UNC79: variants seen among roughly 807,000 people sequenced by gnomAD.
UNC79 encodes the protein unc-79 subunit of NALCN channel complex.
Under a neutral mutation model 283.1 loss-of-function variants are expected in UNC79, and 37 were observed. The observed-to-expected ratio is 0.13, with a 90% CI of 0.10 to 0.17. UNC79 has a LOEUF of 0.17. Among genes scored for constraint, UNC79 ranks in the 10% least tolerant of loss-of-function variants. UNC79 has a pLI of 1.00. For missense variants in UNC79, 2,272 were observed against 3,211.1 expected, an observed-to-expected ratio of 0.71 and a Z score of 7.07; for synonymous variants, 1,107 against 1,200.2, an observed-to-expected ratio of 0.92 and a Z score of 1.61.
chr14:93,372,318 C>A (rs1180238492), intron 1 of UNC79, among the ~76,000 whole-genome samples: 1 of 152,062 alleles, frequency 6.6e-6, no homozygotes, highest in East Asian at 1.9e-4. Context: ...AACACTAAAC[C>A]AACTCTATTA....
intron 42 of UNC79, among the ~76,000 whole-genome samples, chr14:93,683,552 C>G (rs2074009237): frequency 6.6e-6 from 1 of 152,124 alleles, no homozygotes; most frequent in Non-Finnish European, 1.5e-5. Flanking sequence ...TGCATGCTCG[C>G]TGTTTCCTTT....
intron 40 of UNC79, among the ~76,000 whole-genome samples, chr14:93,664,985 A>G (rs1368508871): frequency 1.3e-5 from 2 of 152,244 alleles, no homozygotes; most frequent in East Asian, 3.9e-4. Context: ...AAAGTCAACA[A>G]GTAGCAAGAT....
intron 26 of UNC79, among the ~76,000 whole-genome samples, chr14:93,609,231 TTGCAAG>T (rs2066116998): frequency 6.6e-6 from 1 of 152,096 alleles, no homozygotes; most frequent in Non-Finnish European, 1.5e-5. Context: ...GAGAACCACC[TTGCAAG>T]GTGAAGAGAG....
chr14:93,355,387 CG>C (rs1566888166), intron 1 of UNC79, among the ~76,000 whole-genome samples: 1 of 152,126 alleles, frequency 6.6e-6, no homozygotes, highest in Admixed American at 6.5e-5. Context: ...TTAATAGAGA[CG>C]GGGTTTCACC....
At chr14:93,489,824 G>A (rs2058636761) in intron 5 of UNC79, among the ~76,000 whole-genome samples, 1 of 152,174 alleles carries the variant, frequency 6.6e-6, no homozygotes, top group Admixed American at 6.5e-5. Context: ...CCCTGGTGGG[G>A]GCTCTCTACA....
At chr14:93,382,818 C>T (rs569917617) in intron 1 of UNC79, among the ~76,000 whole-genome samples, 7 of 152,178 alleles carry the variant, frequency 4.6e-5, no homozygotes, top group African/African-American at 4.8e-5. Context: ...TTACCACTGC[C>T]GCATCAATAT....
upstream of UNC79, among the ~76,000 whole-genome samples, chr14:93,427,668 T>TG (rs2055761760): frequency 6.6e-6 from 1 of 151,820 alleles, no homozygotes; most frequent in Non-Finnish European, 1.5e-5. Context: ...TTTTTTTTTT[T>TG]GTCTTCTCTG....
At chr14:93,439,747 C>T (rs2056225574) in intron 1 of UNC79, among the ~76,000 whole-genome samples, 1 of 152,056 alleles carries the variant, frequency 6.6e-6, no homozygotes, top group African/African-American at 2.4e-5. Flanking sequence ...TGTAGTGGAA[C>T]TCTTTAACTT....
At chr14:93,624,030 CAT>C (rs1398447894) in intron 30 of UNC79, among the ~76,000 whole-genome samples, 1 of 152,206 alleles carries the variant, frequency 6.6e-6, no homozygotes, top group Non-Finnish European at 1.5e-5. Context: ...CCTAGCCCCT[CAT>C]ATTATACAGG....
intron 3 of UNC79, among the ~76,000 whole-genome samples, chr14:93,477,052 C>G (rs2057842843): frequency 6.6e-6 from 1 of 152,208 alleles, no homozygotes; most frequent in Admixed American, 6.5e-5. Context: ...ACTCAATGCA[C>G]ATGGTCATGT....
chr14:93,593,431 C>T (rs563699125), intron 22 of UNC79, among the ~76,000 whole-genome samples: 93 of 152,278 alleles, frequency 6.1e-4, no homozygotes, highest in Non-Finnish European at 1.2e-3. Context: ...GCTGAATTTA[C>T]ATTATGCAGA....
At chr14:93,635,853 A>G (rs1475293984) in intron 31 of UNC79, among the ~76,000 whole-genome samples, 1 of 152,238 alleles carries the variant, frequency 6.6e-6, no homozygotes, top group Non-Finnish European at 1.5e-5. Context: ...CAACCTCAGG[A>G]GTTCACTGGG....
chr14:93,467,484 A>G (rs2057247619), intron 1 of UNC79, among the ~76,000 whole-genome samples, 187 bp from the exon 2 acceptor site: 1 of 151,578 alleles, frequency 6.6e-6, no homozygotes, highest in Non-Finnish European at 1.5e-5. Flanking sequence ...GTTTTTTTGT[A>G]ATTGTTTCTA....
At chr14:93,335,737 CAAAG>C (rs1042282535) in intron 1 of UNC79, among the ~76,000 whole-genome samples, 2 of 151,984 alleles carry the variant, frequency 1.3e-5, no homozygotes, top group African/African-American at 4.8e-5. Context: ...AGACCATAAA[CAAAG>C]AAACAAAGTG....
intron 5 of UNC79, among the ~76,000 whole-genome samples, chr14:93,493,822 A>G (rs1430164507): frequency 6.7e-6 from 1 of 148,686 alleles, no homozygotes. Context: ...GCAAAGGGGA[A>G]GCACGTCTTA....
At position 93,474,427 on chromosome 14, in the gene UNC79, G is replaced by A. The variant is rs749296553; in HGVS notation, c.448+34G>A. ...TTAGCTGAAACCTTTGGAAATGTAC[G>A]TGGATGCTTATGAATGTATATGATG... is the stretch of plus-strand genomic sequence containing the variant. On this transcript the variant is annotated intron_variant, in intron 3 of 48. Coordinates refer to ENST00000555664, the Ensembl canonical transcript of UNC79. This position sits in a 1 kb window ranked among gnomAD's most constrained non-coding sequence, Gnocchi z 4.1. The A allele has an allele frequency of 1.6e-5, 24 of 1,519,084 alleles. No homozygotes were observed. The Middle Eastern group carries it at 1.0e-3, about 64-fold the overall frequency. 94.1% of individuals were successfully genotyped at this position (1,519,084 alleles called of 1,614,324 possible).
intron 1 of UNC79, among the ~76,000 whole-genome samples, chr14:93,444,481 TC>T (rs1196387235): frequency 1.3e-5 from 2 of 152,196 alleles, no homozygotes; most frequent in African/African-American, 4.8e-5. Context: ...ACTTTTGGTA[TC>T]CTGTTTATGG....
At chr14:93,654,179 TA>T (rs1388715732) in intron 37 of UNC79, among the ~76,000 whole-genome samples, 154 bp downstream of exon 40, 1 of 151,998 alleles carries the variant, frequency 6.6e-6, no homozygotes, top group Non-Finnish European at 1.5e-5. Flanking sequence ...ATTTTAAAAT[TA>T]AAAAATATAT....
intron 1 of UNC79, among the ~76,000 whole-genome samples, chr14:93,365,614 T>C (rs961483662): frequency 3.3e-5 from 5 of 152,088 alleles, no homozygotes; most frequent in Non-Finnish European, 7.4e-5. Flanking sequence ...AAAAATATAA[T>C]TATTAAGATG....
Sources: allele counts gnomAD v4.1 joint callset (sites outside exome capture counted in the v4.1 genomes callset), GRCh38; gene constraint gnomAD v4.1.1; non-coding constraint Gnocchi (gnomAD v3.1); transcripts MANE v1.5; gene names NCBI Gene and HGNC (gene_info 2026-07-23, HGNC 2026-07-21).